Variants in FBXL17 observed in about 807,000 individuals in gnomAD.
The protein encoded by FBXL17 is F-box and leucine rich repeat protein 17, also known as F-box/LRR-repeat protein 17.
In FBXL17, 22 loss-of-function variants were observed where a neutral mutation model predicts 66.2. The ratio of observed to expected loss-of-function variants is 0.33; its 90% CI spans 0.24 to 0.47. The LOEUF is 0.47. Among genes scored for constraint, FBXL17 ranks in the 20% least tolerant of loss-of-function variants. The pLI is 1.00. For synonymous variants in FBXL17, 474 were observed against 400.5 expected, an observed-to-expected ratio of 1.18 and a Z score of -2.19; for missense variants, 878 against 948.2, an observed-to-expected ratio of 0.93 and a Z score of 0.97.
chr5:108,268,029 A>G (rs1284095311), intron 4 of FBXL17, among the ~76,000 whole-genome samples: 1 of 152,100 alleles, frequency 6.6e-6, no homozygotes, highest in African/African-American at 2.4e-5. Flanking sequence ...CTAACAAAGT[A>G]CAAAGTTGGA....
intron 4 of FBXL17, among the ~76,000 whole-genome samples, chr5:108,238,809 C>A (rs1561482366): frequency 6.6e-6 from 1 of 152,176 alleles, no homozygotes. Context: ...CTGCACCCAG[C>A]TGAACTGTTA....
intron 4 of FBXL17, among the ~76,000 whole-genome samples, chr5:108,254,599 C>T (rs1330016245): frequency 1.3e-5 from 2 of 152,106 alleles, no homozygotes; most frequent in African/African-American, 4.8e-5. Flanking sequence ...TCCCAAGATG[C>T]TCATTTAACT....
intron 8 of FBXL17, among the ~76,000 whole-genome samples, chr5:107,877,342 T>C (rs1332118125): frequency 3.9e-5 from 6 of 152,212 alleles, no homozygotes; most frequent in Non-Finnish European, 8.8e-5. Flanking sequence ...GTTGCTTTCA[T>C]CTGCAACGAA....
chr5:108,280,131 G>A (rs1297109286), intron 4 of FBXL17, among the ~76,000 whole-genome samples: 2 of 151,980 alleles, frequency 1.3e-5, no homozygotes, highest in Non-Finnish European at 2.9e-5. Flanking sequence ...GAGATCCCCA[G>A]GCAAATACTA....
chr5:108,188,133 A>G (rs1753313801), intron 5 of FBXL17, among the ~76,000 whole-genome samples: 1 of 152,052 alleles, frequency 6.6e-6, no homozygotes, highest in African/African-American at 2.4e-5. Context: ...GGTCATTGGG[A>G]GGGTAGGAGG....
chr5:107,955,699 A>C (rs1751641436), intron 7 of FBXL17, among the ~76,000 whole-genome samples: 1 of 152,204 alleles, frequency 6.6e-6, no homozygotes. Flanking sequence ...ATAACAAAAA[A>C]GTGTTGCTAC....
chr5:108,345,411 G>A (rs1747208170), intron 4 of FBXL17, among the ~76,000 whole-genome samples: 1 of 151,362 alleles, frequency 6.6e-6, no homozygotes, highest in Non-Finnish European at 1.5e-5. Context: ...CTCATTTATG[G>A]CAAATCATTG....
chr5:108,289,658 G>C (rs1248632602), intron 4 of FBXL17, among the ~76,000 whole-genome samples: 3 of 152,126 alleles, frequency 2.0e-5, no homozygotes, highest in African/African-American at 7.2e-5. Context: ...ATGCTGCCAT[G>C]ACATGACATG....
At chr5:107,945,180 T>G (rs1280168025) in intron 7 of FBXL17, among the ~76,000 whole-genome samples, 3 of 152,070 alleles carry the variant, frequency 2.0e-5, no homozygotes, top group African/African-American at 7.2e-5. Flanking sequence ...TCATCAGAAA[T>G]CAAGTAAATA....
At chr5:108,058,709 T>A (rs150911400) in intron 6 of FBXL17, among the ~76,000 whole-genome samples, 2 of 152,144 alleles carry the variant, frequency 1.3e-5, no homozygotes, top group African/African-American at 4.8e-5. Context: ...GAAACTGAAA[T>A]GCAGGTGAAT....
At chr5:107,982,602 T>G (rs1051280063) in intron 7 of FBXL17, among the ~76,000 whole-genome samples, 1 of 152,188 alleles carries the variant, frequency 6.6e-6, no homozygotes, top group Non-Finnish European at 1.5e-5. Context: ...TATGGAGATT[T>G]TAGGTTAATT....
intron 4 of FBXL17, among the ~76,000 whole-genome samples, chr5:108,292,419 C>A (rs547083195): frequency 6.6e-6 from 1 of 152,124 alleles, no homozygotes; most frequent in Admixed American, 6.5e-5. Flanking sequence ...CCATGCCTGG[C>A]CCCCCAAAAG....
intron 6 of FBXL17, among the ~76,000 whole-genome samples, chr5:108,123,855 T>A (rs1165709680): frequency 6.6e-6 from 1 of 152,150 alleles, no homozygotes; most frequent in Admixed American, 6.6e-5. Flanking sequence ...TACTTTCATA[T>A]GGAAAACATA....
chr5:108,234,435 C>T (rs1192931906), intron 4 of FBXL17, among the ~76,000 whole-genome samples: 2 of 152,146 alleles, frequency 1.3e-5, no homozygotes, highest in Non-Finnish European at 2.9e-5. Context: ...TAGCAGGTGG[C>T]AAAACTGGGT....
chr5:108,124,191 A>G (rs1338083841), intron 6 of FBXL17, among the ~76,000 whole-genome samples: 1 of 152,140 alleles, frequency 6.6e-6, no homozygotes, highest in African/African-American at 2.4e-5. Flanking sequence ...ATTTCAGGTC[A>G]TCTGGAGGTT....
At chr5:108,138,780 A>C (rs1442107439) in intron 6 of FBXL17, among the ~76,000 whole-genome samples, 3 of 152,200 alleles carry the variant, frequency 2.0e-5, no homozygotes, top group Non-Finnish European at 2.9e-5. Flanking sequence ...TGGAATCCAA[A>C]ATTGTATAAA....
At chr5:107,909,372 T>A (rs1395349563) in intron 7 of FBXL17, among the ~76,000 whole-genome samples, 1 of 152,150 alleles carries the variant, frequency 6.6e-6, no homozygotes, top group Non-Finnish European at 1.5e-5. Context: ...TGGCTACACA[T>A]AACTTGCATA....
intron 7 of FBXL17, among the ~76,000 whole-genome samples, chr5:107,902,045 A>G (rs1340481135): frequency 6.6e-6 from 1 of 152,222 alleles, no homozygotes; most frequent in African/African-American, 2.4e-5. Context: ...AAAACAAGAC[A>G]AAAGAAAAAC....
At chr5:108,195,875 C>T (rs1031832776) in intron 5 of FBXL17, among the ~76,000 whole-genome samples, 1 of 151,946 alleles carries the variant, frequency 6.6e-6, no homozygotes, top group East Asian at 1.9e-4. Flanking sequence ...TTGGTTTGAG[C>T]AATCAGAAAA....
Sources: gnomAD v4.1 joint callset for allele counts (sites outside exome capture counted in the v4.1 genomes callset) on GRCh38, gnomAD v4.1.1 for gene constraint, MANE v1.5 for transcripts, NCBI Gene and HGNC (gene_info 2026-07-23, HGNC 2026-07-21) for gene names.